Variants in RIMBP2 observed in about 807,000 individuals in gnomAD.
The protein encoded by RIMBP2 is RIMS-binding protein 2.
RIMBP2 carries 48 observed loss-of-function variants against 118.6 expected under a neutral mutation model. That is an observed-to-expected ratio of 0.40 (90% CI 0.32 to 0.51). RIMBP2 has a LOEUF of 0.51. RIMBP2 is among the 20% of genes least tolerant of loss of function. The pLI, the probability that RIMBP2 is intolerant of heterozygous loss-of-function variation, is 0.41. For synonymous variants in RIMBP2, 762 were observed against 742.9 expected, an observed-to-expected ratio of 1.03 and a Z score of -0.42; for missense variants, 1,551 against 1,768.3, an observed-to-expected ratio of 0.88 and a Z score of 2.20.
chr12:130,414,052 G>A lies in RIMBP2; in HGVS notation c.3420+73C>T, dbSNP rs990170137. 15 of 1,470,590 alleles carry A rather than the reference G, an allele frequency of 1.0e-5. No homozygotes were observed. The Admixed American group carries it at 1.2e-4, about 12-fold the overall frequency. 91.1% of individuals were successfully genotyped at this position (1,470,590 alleles called of 1,614,324 possible). A position where few individuals can be genotyped will look rare whatever the true frequency, so the allele number is the denominator to read the frequency against. ...GCCATCTCTAAGTCGATACCCTGTT[G>A]CCAGTCTCTGCCCCCATGACCCAGA... On this transcript the variant is annotated intron_variant, in intron 18 of 22. Transcript: ENST00000690449.
In RIMBP2 at chr12:130,419,747, T is replaced by C. The variant is rs1332017045; in HGVS notation, c.3238+2706A>G. 1.3e-5 allele frequency: 2 copies of C among 152,184 alleles called. No homozygotes were observed. Among genetic ancestry groups the C allele is most frequent in the African/African-American group, 2.4e-5 (1 of 41,444 alleles). The allele number at this position is 152,184 out of a possible 1,614,324, so 9.4% of individuals were successfully genotyped here. A position where few individuals can be genotyped will look rare whatever the true frequency, so the allele number is the denominator to read the frequency against. On this transcript the variant is annotated intron_variant, in intron 17 of 22. Coordinates refer to ENST00000690449, the MANE Select transcript of RIMBP2 (RefSeq NM_001393629.1). This position sits in a 1 kb window ranked among gnomAD's most constrained non-coding sequence, Gnocchi z 4.3. The stretch of plus-strand genomic sequence containing the variant: ...TCAGAGTTGATTCCTAAGAACAGAA[T>C]CCTCTTGAACGTGGTGCTTCGGTTT...
chr12:130,468,007 A>G (rs1202066538), intron 6 of RIMBP2, among the ~76,000 whole-genome samples: 1 of 152,140 alleles, frequency 6.6e-6, no homozygotes, highest in African/African-American at 2.4e-5. Context: ...CTGAGCATGG[A>G]AGCAGGCTGC....
chr12:130,421,181 C>T (rs1483832281), intron 17 of RIMBP2, among the ~76,000 whole-genome samples: 2 of 152,180 alleles, frequency 1.3e-5, no homozygotes, highest in Middle Eastern at 3.2e-3. Context: ...GAGGGAACGA[C>T]ACACGAATTG....
intron 2 of RIMBP2, among the ~76,000 whole-genome samples, chr12:130,564,627 T>A (rs1002842819): frequency 6.6e-6 from 1 of 152,158 alleles, no homozygotes; most frequent in Non-Finnish European, 1.5e-5. Flanking sequence ...CTCAAAGACA[T>A]TACGCTAAGT....
chr12:130,596,526 TCA>T (rs2059571733), intron 2 of RIMBP2, among the ~76,000 whole-genome samples: 1 of 152,028 alleles, frequency 6.6e-6, no homozygotes, highest in Non-Finnish European at 1.5e-5. Context: ...TAACACCCAC[TCA>T]CAACGTAGGA....
chr12:130,586,479 AT>A (rs2058890834), intron 2 of RIMBP2, among the ~76,000 whole-genome samples: 1 of 152,138 alleles, frequency 6.6e-6, no homozygotes, highest in African/African-American at 2.4e-5. Context: ...AGAAGAAGAG[AT>A]GGGGGATCAA....
At chr12:130,480,664 G>A (rs992282807) in intron 4 of RIMBP2, among the ~76,000 whole-genome samples, 1 of 152,070 alleles carries the variant, frequency 6.6e-6, no homozygotes, top group Admixed American at 6.5e-5. Context: ...ACAGTGGCAG[G>A]ATCTTGGCTC....
chr12:130,665,672 C>T (rs2063887588), intron 1 of RIMBP2, among the ~76,000 whole-genome samples: 1 of 148,274 alleles, frequency 6.7e-6, no homozygotes, highest in African/African-American at 2.6e-5. Flanking sequence ...GACAAGGAAA[C>T]ATTACAGGTT....
intron 1 of RIMBP2, among the ~76,000 whole-genome samples, chr12:130,685,181 G>C (rs2064983130): frequency 6.6e-6 from 1 of 152,050 alleles, no homozygotes; most frequent in South Asian, 2.1e-4. Flanking sequence ...GCCCCACTCT[G>C]CTTCATTAAT....
Position 130,613,459 on chromosome 12 carries a change from T to C in RIMBP2, c.-217+14863A>G, listed in dbSNP as rs138475788. On this transcript the variant is annotated intron_variant, in intron 2 of 22. Transcript: ENST00000690449. ...AGGCAGAGGACAGCACAGAAGGAGG[T>C]AGAGGGTGGATCTGGGAGGCAAGCA... 1.1e-3 allele frequency among the ~76,000 whole-genome samples: 171 copies of C among 150,360 alleles called. 1 individual carries two copies. The highest frequency in any genetic ancestry group is 2.3e-3 in the African/African-American group (92 of 40,858).
chr12:130,482,546 A>C (rs368654306), intron 4 of RIMBP2, among the ~76,000 whole-genome samples: 1 of 152,230 alleles, frequency 6.6e-6, no homozygotes, highest in East Asian at 1.9e-4. Flanking sequence ...TACGAGGAGG[A>C]GATTTCAGCC....
chr12:130,462,430 C>T (rs2080083906), intron 6 of RIMBP2, among the ~76,000 whole-genome samples: 1 of 152,220 alleles, frequency 6.6e-6, no homozygotes, highest in African/African-American at 2.4e-5. Flanking sequence ...GGCTGCGTCT[C>T]CACCGAGGCC....
At chr12:130,603,396 A>C (rs2059980951) in intron 2 of RIMBP2, among the ~76,000 whole-genome samples, 1 of 152,222 alleles carries the variant, frequency 6.6e-6, no homozygotes, top group Non-Finnish European at 1.5e-5. Flanking sequence ...AGGCAGGTGT[A>C]AGCACCTGCA....
intron 2 of RIMBP2, among the ~76,000 whole-genome samples, chr12:130,577,263 T>C (rs1216520055): frequency 3.3e-5 from 5 of 152,194 alleles, no homozygotes; most frequent in African/African-American, 9.6e-5. Context: ...ATTAGAACCA[T>C]ATGTGGCTCA....
intron 1 of RIMBP2, chr12:130,633,707 G>T (rs1019051788): frequency 2.0e-5 from 3 of 152,150 alleles, no homozygotes; most frequent in African/African-American, 7.2e-5. Flanking sequence ...TTGCTCTACA[G>T]CCCACAGCCT....
rs1261225730 is a variant in RIMBP2, at chr12:130,525,640, G to A, written c.-216-7723C>T. Among the ~76,000 whole-genome samples, 1 of 152,136 alleles carries A rather than the reference G, an allele frequency of 6.6e-6. No individual in the cohort carries two copies. The highest frequency in any genetic ancestry group is 2.1e-4 in the South Asian group (1 of 4,830). ...CATTGGCAGGTGCAGATGGACACAT[G>A]GGGAAGGCATGAGGGCAGCAGAGAG... On this transcript the variant is annotated intron_variant, in intron 2 of 22. Coordinates refer to ENST00000690449, the MANE Select transcript of RIMBP2 (RefSeq NM_001393629.1). The surrounding 1 kb of genome is among the most constrained non-coding windows in gnomAD (Gnocchi z 4.4).
At chr12:130,456,799 T>A in intron 6 of RIMBP2, 99 bp from the exon 7 acceptor site, 1 of 799,590 alleles carries the variant, frequency 1.3e-6, no homozygotes, top group Non-Finnish European at 2.0e-6. Flanking sequence ...ACATGTGCAC[T>A]GTGTGCACGT....
rs1432408989 is a variant in RIMBP2, at chr12:130,442,824, C to T, written c.692-164G>A. Among the ~76,000 whole-genome samples the T allele has an allele frequency of 6.6e-6, 1 of 151,966 alleles. No homozygotes were observed. Among genetic ancestry groups the T allele is most frequent in the Non-Finnish European group, 1.5e-5 (1 of 68,042 alleles). On this transcript the variant is annotated intron_variant, in intron 10 of 22. Coordinates refer to ENST00000690449, the MANE Select transcript of RIMBP2 (RefSeq NM_001393629.1). This position sits in a 1 kb window ranked among gnomAD's most constrained non-coding sequence, Gnocchi z 6.9. ...AGTCCATGCTGGGGCCAGCTCCACACCCACCATCTAAAGAGCCAGCTCCTC... is the reference window on the plus strand; with the variant it reads ...AGTCCATGCTGGGGCCAGCTCCACATCCACCATCTAAAGAGCCAGCTCCTC...
At chr12:130,495,015 C>T (rs2049012004) in intron 4 of RIMBP2, among the ~76,000 whole-genome samples, 2 of 151,168 alleles carry the variant, frequency 1.3e-5, no homozygotes, top group Admixed American at 1.3e-4. Flanking sequence ...CAGAAGACAC[C>T]TCACTCCCAT....
Sources: gnomAD v4.1 joint callset for allele counts (sites outside exome capture counted in the v4.1 genomes callset) on GRCh38, gnomAD v4.1.1 for gene constraint, Gnocchi (gnomAD v3.1) non-coding constraint, MANE v1.5 for transcripts, NCBI Gene and HGNC (gene_info 2026-07-23, HGNC 2026-07-21) for gene names.